IQSEC1: variants seen among roughly 807,000 people sequenced by gnomAD.
The protein encoded by IQSEC1 is IQ motif and SEC7 domain-containing protein 1.
In IQSEC1, 31 loss-of-function variants were observed where a neutral mutation model predicts 91.0. That is an observed-to-expected ratio of 0.34 (90% CI 0.26 to 0.46). The LOEUF (loss-of-function observed/expected upper bound fraction) is 0.46. Among genes scored for constraint, IQSEC1 ranks in the 20% least tolerant of loss-of-function variants. The probability of loss-of-function intolerance (pLI) is 1.00; values close to 1 mark genes in which losing one functional copy is unlikely to be tolerated. For missense variants in IQSEC1, 1,388 were observed against 1,575.6 expected (o/e 0.88, Z 2.02); for synonymous variants, 699 against 662.6 (o/e 1.05, Z -0.84).
chr3:13,104,782 C>T (rs62232959), intron 2 of IQSEC1, among the ~76,000 whole-genome samples: 9,954 of 152,274 alleles, frequency 0.065, 432 homozygotes, highest in East Asian at 0.19. Context: ...CCTGCCTGGC[C>T]CCTGACCCAT....
At chr3:12,965,515 C>A (rs919060632) in intron 1 of IQSEC1, among the ~76,000 whole-genome samples, 1 of 152,260 alleles carries the variant, frequency 6.6e-6, no homozygotes, top group Non-Finnish European at 1.5e-5. Context: ...ATGGGATCCA[C>A]CTGCTCTGAG....
At chr3:12,907,427 C>T (rs529907625) in intron 12 of IQSEC1, among the ~76,000 whole-genome samples, 4 of 152,252 alleles carry the variant, frequency 2.6e-5, no homozygotes, top group African/African-American at 4.8e-5. Flanking sequence ...GGCAGACCTG[C>T]GTGGGACAAG....
At chr3:13,191,516 T>C (rs1339068576) in intron 1 of IQSEC1, among the ~76,000 whole-genome samples, 3 of 130,508 alleles carry the variant, frequency 2.3e-5, no homozygotes, top group Non-Finnish European at 4.8e-5. Flanking sequence ...TTTGTATTTT[T>C]AGTAGAGACA....
At chr3:12,904,387 G>T (rs533577961) in intron 12 of IQSEC1, among the ~76,000 whole-genome samples, 1 of 152,226 alleles carries the variant, frequency 6.6e-6, no homozygotes, top group Non-Finnish European at 1.5e-5. Flanking sequence ...AGGGCAAGAG[G>T]GCTCAACACC....
At chr3:13,086,935 T>C (rs1210666710) in intron 2 of IQSEC1, among the ~76,000 whole-genome samples, 1 of 152,230 alleles carries the variant, frequency 6.6e-6, no homozygotes, top group African/African-American at 2.4e-5. Flanking sequence ...TTGGTTATCG[T>C]GGCATCCCCC....
rs374674110 is a variant in IQSEC1, at chr3:12,991,909, C to T, written c.24-50044G>A. ...GGGCAGGGCAGGTTGGTCAGAGCAGCGGCTGGAAGGGCGGGCTGCCATGGG... is the reference window on the plus strand; with the variant it reads ...GGGCAGGGCAGGTTGGTCAGAGCAGTGGCTGGAAGGGCGGGCTGCCATGGG... On this transcript the variant is annotated intron_variant, in intron 1 of 13. Transcript: ENST00000613206. Among the ~76,000 whole-genome samples, 36 of 152,186 alleles carry T rather than the reference C, an allele frequency of 2.4e-4. 1 individual carries two copies. In the East Asian group the frequency reaches 4.3e-3, roughly 18 times the overall value.
intron 2 of IQSEC1, among the ~76,000 whole-genome samples, chr3:13,124,357 A>G (rs7622345): frequency 0.24 from 37,064 of 152,078 alleles, 4,695 homozygotes; most frequent in South Asian, 0.43. Context: ...GGACTCTAGA[A>G]TGTTAACCAT....
At chr3:13,137,738 G>T (rs766086863) in intron 2 of IQSEC1, among the ~76,000 whole-genome samples, 1 of 152,178 alleles carries the variant, frequency 6.6e-6, no homozygotes, top group Non-Finnish European at 1.5e-5. Context: ...TGGGAGGATC[G>T]CTTGAGCGCA....
intron 1 of IQSEC1, among the ~76,000 whole-genome samples, chr3:13,171,802 T>G (rs1201739441): frequency 6.6e-6 from 1 of 152,180 alleles, no homozygotes; most frequent in South Asian, 2.1e-4. Context: ...GGTCCCAGCC[T>G]GGTCTGACTT....
chr3:12,902,567 G>T (rs979767465), intron 13 of IQSEC1, among the ~76,000 whole-genome samples: 5 of 146,976 alleles, frequency 3.4e-5, no homozygotes, highest in South Asian at 2.2e-4. Flanking sequence ...AGGAGAAGCT[G>T]ACATGCACAG....
intron 2 of IQSEC1, among the ~76,000 whole-genome samples, chr3:13,156,985 T>G (rs1336383676): frequency 6.6e-6 from 1 of 152,206 alleles, no homozygotes; most frequent in African/African-American, 2.4e-5. Context: ...AAACTCTTGA[T>G]GTTTTCATTT....
intron 1 of IQSEC1, among the ~76,000 whole-genome samples, chr3:13,003,299 A>AAG (rs1553675624): frequency 8.0e-4 from 120 of 150,484 alleles, no homozygotes; most frequent in African/African-American, 2.9e-3. Flanking sequence ...AAAAAAAAAA[A>AAG]GGAATGAAGT....
intron 1 of IQSEC1, among the ~76,000 whole-genome samples, chr3:13,186,909 C>T (rs974961772): frequency 2.0e-5 from 3 of 152,154 alleles, no homozygotes; most frequent in South Asian, 2.1e-4. Flanking sequence ...CTGAAGCCTT[C>T]GGATGAGGAA....
chr3:12,902,652 A>AC (rs1694454650), intron 13 of IQSEC1, 121 bp downstream of exon 13: 1 of 619,486 alleles, frequency 1.6e-6, no homozygotes, highest in South Asian at 1.8e-5. Flanking sequence ...CCAAAAAAAA[A>AC]AACAACAAAA....
At chr3:13,154,664 C>G (rs1707058959) in intron 2 of IQSEC1, among the ~76,000 whole-genome samples, 1 of 150,552 alleles carries the variant, frequency 6.6e-6, no homozygotes. Flanking sequence ...CTCCACTCAA[C>G]AGAACGCAGA....
At chr3:13,195,989 A>G (rs1442584448) in intron 1 of IQSEC1, among the ~76,000 whole-genome samples, 6 of 152,238 alleles carry the variant, frequency 3.9e-5, no homozygotes, top group Non-Finnish European at 8.8e-5. Flanking sequence ...ATGTGAATCT[A>G]CAATGGTCTC....
chr3:12,951,128 G>A (rs1987539), intron 1 of IQSEC1, among the ~76,000 whole-genome samples: 133,020 of 152,248 alleles, frequency 0.87, 58,142 homozygotes, highest in East Asian at 0.98. Flanking sequence ...CTTTTAAAAA[G>A]TTATAATAAA....
chr3:12,922,218 G>T lies in IQSEC1; in HGVS notation c.1755C>A (p.Phe585Leu), dbSNP rs1185419571. ...VLDCVVDEMD[F>L]STMELDEALR... ...GGGCCTCATCCAGCTCCATGGTAGA[G>T]AAGTCCATCTCGTCCACGACGCAGC... The change falls in exon 5 of 14, where the codon TTC becomes TTA. Residue 585 changes from phenylalanine to leucine, a missense_variant. By Grantham distance (22) the Phe-to-Leu change is conservative (BLOSUM62 0). Coordinates refer to ENST00000613206, the MANE Select transcript of IQSEC1 (RefSeq NM_001134382.3). The surrounding 1 kb of genome is among the most constrained non-coding windows in gnomAD (Gnocchi z 5.1). 1.9e-6 allele frequency: 3 copies of T among 1,603,144 alleles called. No homozygotes were observed. The highest frequency in any genetic ancestry group is 2.3e-5 in the East Asian group (1 of 44,128).
At position 12,935,090 on chromosome 3, in the gene IQSEC1, CT is replaced by C. The variant is rs1019166509; in HGVS notation, c.1568+357del. On this transcript the variant is annotated intron_variant, in intron 3 of 13. Coordinates refer to ENST00000613206, the MANE Select transcript of IQSEC1 (RefSeq NM_001134382.3). The surrounding 1 kb of genome is among the most constrained non-coding windows in gnomAD (Gnocchi z 8.0). Reference sequence around the variant, plus strand: ...AAGGCCTTTGTGTCCCACATCACCCCTAGGCCTGACATCCAAAGTTGCGCAG... The same window carrying C: ...AAGGCCTTTGTGTCCCACATCACCCCAGGCCTGACATCCAAAGTTGCGCAG... Among the ~76,000 whole-genome samples the C allele has an allele frequency of 1.3e-5, 2 of 152,222 alleles. No homozygotes were observed. The highest frequency in any genetic ancestry group is 2.9e-5 in the Non-Finnish European group (2 of 68,042).
Sources: allele counts gnomAD v4.1 joint callset (sites outside exome capture counted in the v4.1 genomes callset), GRCh38; gene constraint gnomAD v4.1.1; non-coding constraint Gnocchi (gnomAD v3.1); transcripts MANE v1.5; gene names NCBI Gene and HGNC (gene_info 2026-07-23, HGNC 2026-07-21).